The following DNAH11 variants were observed in gnomAD, a reference collection of about 807,000 sequenced individuals.
DNAH11 encodes the protein axonemal beta dynein heavy chain 11.
DNAH11 carries 442 observed loss-of-function variants against 526.0 expected under a neutral mutation model. That is an observed-to-expected ratio of 0.84 (90% CI 0.78 to 0.91). The LOEUF (loss-of-function observed/expected upper bound fraction) is 0.91. Ranked by LOEUF, DNAH11 falls within the 40% of genes least tolerant of loss-of-function variation. The pLI is 0.00. For missense variants in DNAH11, 6,989 were observed against 5,448.7 expected (o/e 1.28, Z -8.90); for synonymous variants, 2,461 against 1,935.9 (o/e 1.27, Z -7.12).
chr7:21,833,411 G>T (rs1781864345), intron 65 of DNAH11, among the ~76,000 whole-genome samples: 1 of 152,138 alleles, frequency 6.6e-6, no homozygotes, highest in African/African-American at 2.4e-5. Flanking sequence ...TGACAGGATG[G>T]GCTGGGCACA....
chr7:21,868,136 G>C (rs1009389319), intron 72 of DNAH11, 129 bp downstream of exon 72: 5 of 847,486 alleles, frequency 5.9e-6, no homozygotes, highest in Admixed American at 8.3e-5. Flanking sequence ...GTTGAAGATT[G>C]GGTGTATGGA....
chr7:21,634,322 A>G (rs1182611117), intron 25 of DNAH11, among the ~76,000 whole-genome samples: 3 of 152,184 alleles, frequency 2.0e-5, no homozygotes, highest in Admixed American at 1.3e-4. Context: ...CTGAGAATAG[A>G]GCATTGGAAA....
intron 66 of DNAH11, among the ~76,000 whole-genome samples, chr7:21,844,323 G>T (rs1403160137): frequency 2.6e-5 from 4 of 152,174 alleles, no homozygotes; most frequent in African/African-American, 9.7e-5. Context: ...CTACTGAGGA[G>T]GCTGAGGCAC....
chr7:21,680,220 A>ATTCT (rs1783083020), intron 30 of DNAH11, among the ~76,000 whole-genome samples: 1 of 152,122 alleles, frequency 6.6e-6, no homozygotes, highest in African/African-American at 2.4e-5. Context: ...GTGGACCTGT[A>ATTCT]TTTTGACAGT....
At chr7:21,675,024 G>A (rs147389228) in intron 30 of DNAH11, among the ~76,000 whole-genome samples, 1 of 152,254 alleles carries the variant, frequency 6.6e-6, no homozygotes, top group African/African-American at 2.4e-5. Context: ...CCTAGACCAA[G>A]CCACTCTCTT....
rs944325871 is a variant in DNAH11, at chr7:21,762,213, A to T, written c.8941-3215A>T. 5.9e-5 allele frequency among the ~76,000 whole-genome samples: 9 copies of T among 152,284 alleles called. 1 individual carries two copies. In the South Asian group the frequency reaches 1.9e-3, roughly 32 times the overall value. On this transcript the variant is annotated intron_variant, in intron 54 of 81. Transcript: ENST00000409508. ...GATTTGGGTATGGACACAGAGGCAA[A>T]CCATACCAATAATGAGGCCTTATCA...
At chr7:21,764,455 T>C (rs1787081849) in intron 54 of DNAH11, among the ~76,000 whole-genome samples, 1 of 150,182 alleles carries the variant, frequency 6.7e-6, no homozygotes, top group African/African-American at 2.5e-5. Flanking sequence ...CTGAGCCATT[T>C]CTAGAGAAGA....
rs149538783 is a variant in DNAH11, at chr7:21,658,860, A to G, written c.5157A>G (p.Thr1719=). ...TMQETVRHSI[T]EAIVAYEEKP... is the part of the protein sequence containing the mutation. ...AAGAAACGGTGCGTCATTCTATAAC[A>G]GAAGCCATAGTGGCCTACGAGGAAA... Residue 1719 remains threonine, a synonymous_variant, in exon 30 of 82, where the codon ACA becomes ACG. Coordinates refer to ENST00000409508, the MANE Select transcript of DNAH11 (RefSeq NM_001277115.2). 3.2e-5 allele frequency: 51 copies of G among 1,606,886 alleles called. No individual in the cohort carries two copies. The East Asian group carries it at 6.5e-4, about 21-fold the overall frequency.
At chr7:21,647,599 T>G (rs969044032) in intron 28 of DNAH11, among the ~76,000 whole-genome samples, 1 of 151,810 alleles carries the variant, frequency 6.6e-6, no homozygotes, top group Non-Finnish European at 1.5e-5. Context: ...CTGGCTAATT[T>G]TTTTTGTATT....
rs1230744017 is a variant in DNAH11 at position 21,617,487 on chromosome 7, TG to T, written c.4096-130del. ...TTTTCGTTTCTCTGGTTTTGCTCCT[TG>T]GTCTAGGAGTTCAAATGCTTTCACT... On this transcript the variant is annotated intron_variant, in intron 22 of 81. Transcript: ENST00000409508. 5.6e-6 allele frequency: 6 copies of T among 1,063,684 alleles called. No individual in the cohort carries two copies. In the Admixed American group the frequency reaches 1.3e-4, roughly 23 times the overall value. The allele number at this position is 1,063,684 out of a possible 1,614,324, so 65.9% of individuals were successfully genotyped here. A position where few individuals can be genotyped will look rare whatever the true frequency, so the allele number is the denominator to read the frequency against.
intron 39 of DNAH11, 94 bp downstream of exon 39, chr7:21,705,631 C>CGGCCGGGCGCGGTGGCTCACGCCTGTAAT: frequency 8.3e-7 from 1 of 1,211,432 alleles, no homozygotes; most frequent in South Asian, 1.4e-5. Flanking sequence ...AAAGAATTCC[C>CGGCCGGGCGCGGTGGCTCACGCCTGTAAT]CTCCATGAAG....
Position 21,852,596 on chromosome 7 carries a change from G to A in DNAH11, c.11026G>A (p.Ala3676Thr), listed in dbSNP as rs761019297. 3 of 1,604,982 alleles carry A rather than the reference G, an allele frequency of 1.9e-6. No homozygotes were observed. The South Asian group carries it at 3.4e-5, about 18-fold the overall frequency. Residue 3676 changes from alanine to threonine, a missense_variant, in exon 67 of 82, where the codon GCA (alanine) becomes ACA (threonine). Ala to Thr is a moderately conservative substitution (Grantham distance 58). Transcript: ENST00000409508. ...CACCAAACTGGTAGAGAGATTGGAG[G>A]CAACAAAGACCACCGTGGCAGAGAT... is the stretch of plus-strand genomic sequence containing the variant. The part of the protein sequence containing the change: ...DDTKLVERLE[A>T]TKTTVAEIEH...
At chr7:21,664,879 T>C (rs1782366129) in intron 30 of DNAH11, among the ~76,000 whole-genome samples, 1 of 152,174 alleles carries the variant, frequency 6.6e-6, no homozygotes, top group African/African-American at 2.4e-5. Context: ...ACTTTCTGCC[T>C]TGCTTGAGGG....
intron 26 of DNAH11, 59 bp downstream of exon 26, chr7:21,636,154 T>C: frequency 7.2e-7 from 1 of 1,394,634 alleles, no homozygotes. Flanking sequence ...AACATGGTTT[T>C]GAGCATCGTA....
chr7:21,742,266 C>T (rs1785941470), intron 49 of DNAH11, 100 bp downstream of exon 49: 1 of 1,331,278 alleles, frequency 7.5e-7, no homozygotes, highest in African/African-American at 1.5e-5. Context: ...ACACCTGAGG[C>T]TAGGTAATTT....
chr7:21,646,710 A>G (rs1194148649), intron 28 of DNAH11, among the ~76,000 whole-genome samples: 1 of 152,220 alleles, frequency 6.6e-6, no homozygotes, highest in African/African-American at 2.4e-5. Flanking sequence ...CTTATAATTT[A>G]TAGGTAGAAT....
intron 42 of DNAH11, among the ~76,000 whole-genome samples, chr7:21,714,900 T>C (rs1400434507): frequency 3.9e-5 from 6 of 152,216 alleles, no homozygotes; most frequent in African/African-American, 1.4e-4. Flanking sequence ...AGATGACTCT[T>C]GGAAGCCACA....
intron 25 of DNAH11, among the ~76,000 whole-genome samples, chr7:21,632,047 T>C (rs907207102): frequency 6.6e-6 from 1 of 152,210 alleles, no homozygotes; most frequent in Non-Finnish European, 1.5e-5. Flanking sequence ...AGTTCTTGAC[T>C]TTTGTGCACT....
chr7:21,814,754 C>T (rs1789701298), intron 63 of DNAH11, among the ~76,000 whole-genome samples: 1 of 152,044 alleles, frequency 6.6e-6, no homozygotes, highest in African/African-American at 2.4e-5. Flanking sequence ...TGCAGTCCAT[C>T]ATTAACCAAA....
Sources: allele counts gnomAD v4.1 joint callset (sites outside exome capture counted in the v4.1 genomes callset), GRCh38; gene constraint gnomAD v4.1.1; transcripts MANE v1.5; gene names NCBI Gene and HGNC (gene_info 2026-07-23, HGNC 2026-07-21).